The following TCEANC2 variants were observed in gnomAD, a reference collection of about 807,000 sequenced individuals.
TCEANC2 encodes transcription elongation factor A N-terminal and central domain-containing protein 2.
In TCEANC2, 20 loss-of-function variants were observed where a neutral mutation model predicts 22.8. That is an observed-to-expected ratio of 0.88 (90% CI 0.62 to 1.28). The LOEUF is 1.28. Among genes scored for constraint, TCEANC2 ranks in the 50% most tolerant of loss-of-function variants. TCEANC2 has a pLI of 0.00. For synonymous variants in TCEANC2, 84 were observed against 95.5 expected, an observed-to-expected ratio of 0.88 and a Z score of 0.70; for missense variants, 251 against 249.7, an observed-to-expected ratio of 1.01 and a Z score of -0.03.
chr1:54,102,323 C>T lies in TCEANC2; in HGVS notation c.*5850C>T, dbSNP rs1245103327. 5 of 152,202 alleles carry T rather than the reference C, an allele frequency of 3.3e-5. No homozygotes were observed. The allele number at this position is 152,202 out of a possible 1,614,324, so 9.4% of individuals were successfully genotyped here. A position where few individuals can be genotyped will look rare whatever the true frequency, so the allele number is the denominator to read the frequency against. On this transcript the variant is annotated 3_prime_UTR_variant, in exon 5 of 5. Transcript: ENST00000234827. ...CTGTGAAGTTTATGACAAGACCCTA[C>T]AGGAGAATCACAATGTAGACACCTG...
chr1:54,091,375 A>G (rs1029480778), intron 4 of TCEANC2, among the ~76,000 whole-genome samples: 21 of 152,226 alleles, frequency 1.4e-4, no homozygotes, highest in Non-Finnish European at 2.6e-4. Flanking sequence ...CAAATCAGAC[A>G]TCAGATCTTC....
intron 2 of TCEANC2, among the ~76,000 whole-genome samples, chr1:54,056,916 C>T (rs776636565): frequency 6.6e-5 from 10 of 151,770 alleles, no homozygotes; most frequent in Non-Finnish European, 1.2e-4. Context: ...GTGGGGAGCG[C>T]CTGTAGTCAC....
At chr1:54,076,184 T>C (rs577402629) in intron 3 of TCEANC2, among the ~76,000 whole-genome samples, 1 of 152,334 alleles carries the variant, frequency 6.6e-6, no homozygotes, top group East Asian at 1.9e-4. Context: ...GTTGTACATA[T>C]TATTTCGTTA....
At chr1:54,061,006 AG>A (rs1657844801) in intron 2 of TCEANC2, among the ~76,000 whole-genome samples, 1 of 152,106 alleles carries the variant, frequency 6.6e-6, no homozygotes, top group South Asian at 2.1e-4. Flanking sequence ...TAGTGCCCAA[AG>A]AAGGCTATGT....
At chr1:54,079,432 TG>T (rs1440591087) in intron 3 of TCEANC2, among the ~76,000 whole-genome samples, 2 of 152,174 alleles carry the variant, frequency 1.3e-5, no homozygotes, top group East Asian at 3.9e-4. Context: ...AACCTAAAAA[TG>T]AATAAAAGGC....
intron 3 of TCEANC2, among the ~76,000 whole-genome samples, chr1:54,071,476 T>C (rs1658054555): frequency 6.6e-6 from 1 of 152,126 alleles, no homozygotes; most frequent in Non-Finnish European, 1.5e-5. Context: ...TTGGAGCTGC[T>C]CATGACATGG....
chr1:54,071,938 A>G (rs192565390), intron 3 of TCEANC2, among the ~76,000 whole-genome samples: 1 of 151,808 alleles, frequency 6.6e-6, no homozygotes, highest in African/African-American at 2.4e-5. Flanking sequence ...CAGCCCCCCA[A>G]GTAGGTAGGA....
intron 2 of TCEANC2, among the ~76,000 whole-genome samples, chr1:54,058,578 C>T (rs755565056): frequency 4.6e-5 from 7 of 152,192 alleles, no homozygotes; most frequent in Non-Finnish European, 8.8e-5. Context: ...TACCCCAGTG[C>T]GCTTATCGTC....
chr1:54,078,530 C>A (rs552845697), intron 3 of TCEANC2, among the ~76,000 whole-genome samples: 5 of 152,082 alleles, frequency 3.3e-5, no homozygotes, highest in African/African-American at 7.2e-5. Context: ...TTCTTGTATA[C>A]CTCAAATGGG....
chr1:54,057,328 A>C (rs1175946279), intron 2 of TCEANC2, among the ~76,000 whole-genome samples: 9 of 144,246 alleles, frequency 6.2e-5, no homozygotes, highest in Non-Finnish European at 1.4e-4. Flanking sequence ...CTATAGGCAC[A>C]TGCCACCACA....
chr1:54,096,483 G>A lies in TCEANC2; in HGVS notation c.*10G>A, dbSNP rs764192695. ...GACCCACAAAAAGTGACCTGAGGAC[G>A]GTTCCAGCCCTGGGCCAGGCAGAGA... On this transcript the variant is annotated 3_prime_UTR_variant, in exon 5 of 5. Transcript: ENST00000234827. This position sits in a 1 kb window ranked among gnomAD's most constrained non-coding sequence, Gnocchi z 4.9. The A allele has an allele frequency of 2.5e-6, 4 of 1,588,142 alleles. No individual in the cohort carries two copies. The highest frequency in any genetic ancestry group is 1.7e-4 in the Middle Eastern group (1 of 5,812).
At chr1:54,061,424 A>G (rs1043823855) in intron 2 of TCEANC2, among the ~76,000 whole-genome samples, 1 of 152,146 alleles carries the variant, frequency 6.6e-6, no homozygotes, top group African/African-American at 2.4e-5. Context: ...CTTTTCATGT[A>G]TGGAAAAGGA....
chr1:54,054,237 A>T, intron 1 of TCEANC2, 144 bp from the exon 2 acceptor site: 2 of 1,439,230 alleles, frequency 1.4e-6, no homozygotes, highest in Non-Finnish European at 1.8e-6. Context: ...TTTCTTTTAA[A>T]GAGAAAATCT....
intron 3 of TCEANC2, among the ~76,000 whole-genome samples, chr1:54,072,664 G>A (rs1213536434): frequency 6.6e-6 from 1 of 152,162 alleles, no homozygotes; most frequent in Non-Finnish European, 1.5e-5. Context: ...CAAAGTGCTG[G>A]GATTACAGGC....
chr1:54,096,541 G>C lies in TCEANC2; in HGVS notation c.*68G>C. 2 of 1,526,596 alleles carry C rather than the reference G, an allele frequency of 1.3e-6. No homozygotes were observed. The highest frequency in any genetic ancestry group is 8.8e-7 in the Non-Finnish European group (1 of 1,130,846). 94.6% of individuals were successfully genotyped at this position (1,526,596 alleles called of 1,614,324 possible). A position where few individuals can be genotyped will look rare whatever the true frequency, so the allele number is the denominator to read the frequency against. On this transcript the variant is annotated 3_prime_UTR_variant, in exon 5 of 5. Coordinates refer to ENST00000234827, the MANE Select transcript of TCEANC2 (RefSeq NM_153035.3). This position sits in a 1 kb window ranked among gnomAD's most constrained non-coding sequence, Gnocchi z 4.9. The stretch of plus-strand genomic sequence containing the variant: ...GGGCCTGTCTCTGCCGTTCAAAGAC[G>C]CTTTTGAGTTTGGGTGATGGCTGAT...
chr1:54,072,395 A>ATT (rs59248019), intron 3 of TCEANC2, among the ~76,000 whole-genome samples: 11 of 143,848 alleles, frequency 7.6e-5, no homozygotes, highest in East Asian at 2.0e-4. Flanking sequence ...TCCCCCCCAA[A>ATT]TTTTTTTTTT....
At position 54,068,884 on chromosome 1, in the gene TCEANC2, A is replaced by G; in HGVS notation, c.231A>G (p.Lys77=). 6.3e-7 allele frequency: 1 copy of G among 1,594,526 alleles called. No homozygotes were observed. Among genetic ancestry groups the G allele is most frequent in the Non-Finnish European group, 8.5e-7 (1 of 1,174,634 alleles). Residue 77 remains lysine, a synonymous_variant, in exon 3 of 5, where the codon AAA becomes AAG. Coordinates refer to ENST00000234827, the MANE Select transcript of TCEANC2 (RefSeq NM_153035.3). ...AAATACCCTCCAGGGAAGTGTTAAAATCAACAAGGATAGGTATATTCCTTC... is the reference window on the plus strand; with the variant it reads ...AAATACCCTCCAGGGAAGTGTTAAAGTCAACAAGGATAGGTATATTCCTTC... ...KKKIPSREVL[K]STRIGHTVNK... is the part of the protein sequence containing the mutation.
chr1:54,071,658 A>C (rs1658057412), intron 3 of TCEANC2, among the ~76,000 whole-genome samples: 1 of 152,208 alleles, frequency 6.6e-6, no homozygotes, highest in African/African-American at 2.4e-5. Flanking sequence ...AAGGCAACAT[A>C]AGGGTATGAA....
chr1:54,059,276 C>A (rs570672969), intron 2 of TCEANC2, among the ~76,000 whole-genome samples: 76 of 152,186 alleles, frequency 5.0e-4, no homozygotes, highest in African/African-American at 1.7e-3. Context: ...CCTCAGCCTC[C>A]CAAGTAGCTG....
Sources: gnomAD v4.1 joint callset for allele counts (sites outside exome capture counted in the v4.1 genomes callset) on GRCh38, gnomAD v4.1.1 for gene constraint, Gnocchi (gnomAD v3.1) non-coding constraint, MANE v1.5 for transcripts, NCBI Gene and HGNC (gene_info 2026-07-23, HGNC 2026-07-21) for gene names.